Variants in STXBP5L observed in about 807,000 individuals in gnomAD.
The protein encoded by STXBP5L is syntaxin binding protein 5L, also known as syntaxin-binding protein 5-like.
STXBP5L carries 65 observed loss-of-function variants against 144.5 expected under a neutral mutation model. That is an observed-to-expected ratio of 0.45 (90% CI 0.37 to 0.55). The LOEUF (loss-of-function observed/expected upper bound fraction) is 0.55. Among genes scored for constraint, STXBP5L ranks in the 20% least tolerant of loss-of-function variants. STXBP5L has a pLI of 0.00. For synonymous variants in STXBP5L, 505 were observed against 469.6 expected (o/e 1.08, Z -0.97); for missense variants, 1,298 against 1,405.5 (o/e 0.92, Z 1.22).
At chr3:121,139,642 T>A (rs1490405900) in intron 7 of STXBP5L, among the ~76,000 whole-genome samples, 7 of 151,996 alleles carry the variant, frequency 4.6e-5, no homozygotes, top group Admixed American at 4.6e-4. Flanking sequence ...AAATGGTAAT[T>A]CAAAGGCAAT....
intron 20 of STXBP5L, among the ~76,000 whole-genome samples, chr3:121,369,717 G>C (rs1018031764): frequency 6.6e-6 from 1 of 152,064 alleles, no homozygotes; most frequent in African/African-American, 2.4e-5. Flanking sequence ...ACTTTAGTCT[G>C]ATGGGCTTCC....
intron 18 of STXBP5L, among the ~76,000 whole-genome samples, chr3:121,272,404 A>C (rs761366416): frequency 6.6e-6 from 1 of 152,106 alleles, no homozygotes; most frequent in African/African-American, 2.4e-5. Flanking sequence ...GACAGTTTTT[A>C]ACTTAAAGTC....
intron 11 of STXBP5L, among the ~76,000 whole-genome samples, chr3:121,229,515 C>A (rs192397400): frequency 6.6e-6 from 1 of 152,000 alleles, no homozygotes; most frequent in Admixed American, 6.6e-5. Flanking sequence ...TGTTACATAT[C>A]ATTATTTAAC....
At chr3:121,392,483 T>C (rs1022532718) in intron 22 of STXBP5L, among the ~76,000 whole-genome samples, 2 of 152,148 alleles carry the variant, frequency 1.3e-5, no homozygotes, top group Non-Finnish European at 2.9e-5. Flanking sequence ...ATCTTCTGCA[T>C]CGATTACACT....
chr3:121,083,597 A>G (rs866714478), intron 5 of STXBP5L, among the ~76,000 whole-genome samples: 2 of 152,064 alleles, frequency 1.3e-5, no homozygotes, highest in East Asian at 3.9e-4. Flanking sequence ...TGGGAGGCAG[A>G]TGTTGCAGTG....
intron 19 of STXBP5L, among the ~76,000 whole-genome samples, chr3:121,292,588 A>G (rs1444760371): frequency 1.3e-5 from 2 of 152,212 alleles, no homozygotes; most frequent in African/African-American, 2.4e-5. Flanking sequence ...ACACTTGCAC[A>G]TGCATGTTTA....
intron 3 of STXBP5L, among the ~76,000 whole-genome samples, chr3:120,991,581 C>G (rs1293674228): frequency 6.6e-6 from 1 of 152,138 alleles, no homozygotes; most frequent in Non-Finnish European, 1.5e-5. Flanking sequence ...GGAACCAACC[C>G]AAATGTCCAA....
chr3:121,383,620 A>T (rs1394602740), intron 22 of STXBP5L, among the ~76,000 whole-genome samples: 1 of 152,112 alleles, frequency 6.6e-6, no homozygotes, highest in East Asian at 1.9e-4. Context: ...TTTGTTCTGT[A>T]ATTAACCATT....
chr3:121,065,751 A>C (rs531153662), intron 5 of STXBP5L, among the ~76,000 whole-genome samples: 1 of 152,004 alleles, frequency 6.6e-6, no homozygotes, highest in Non-Finnish European at 1.5e-5. Flanking sequence ...TTATTAGCTG[A>C]CTTTTTTGTT....
rs1225221162 is a variant in STXBP5L, at chr3:121,407,227, C to T, written c.2588-16C>T. 6.5e-7 allele frequency: 1 copy of T among 1,532,808 alleles called. No homozygotes were observed. The highest frequency in any genetic ancestry group is 8.7e-7 in the Non-Finnish European group (1 of 1,144,212). 95.0% of individuals were successfully genotyped at this position (1,532,808 alleles called of 1,614,324 possible). A position where few individuals can be genotyped will look rare whatever the true frequency, so the allele number is the denominator to read the frequency against. On this transcript the variant is annotated splice_polypyrimidine_tract_variant and intron_variant, in intron 22 of 26. Coordinates refer to ENST00000471454, the MANE Select transcript of STXBP5L (RefSeq NM_001308330.2). ...AATGAATTTGACATGTCAGTGATGT[C>T]CAATTGTTTTTATAGGTACATTCCT... is the stretch of plus-strand genomic sequence containing the variant.
intron 5 of STXBP5L, among the ~76,000 whole-genome samples, chr3:121,090,373 A>T (rs1276828813): frequency 6.6e-6 from 1 of 152,054 alleles, no homozygotes; most frequent in African/African-American, 2.4e-5. Context: ...CTCCTCTTTT[A>T]CCCCTCTTAC....
Position 120,983,462 on chromosome 3 carries a change from G to A in STXBP5L, c.287+28425G>A, listed in dbSNP as rs140057757. Among the ~76,000 whole-genome samples the A allele has an allele frequency of 3.0e-3, 464 of 152,174 alleles. 5 individuals carry two copies. The highest frequency in any genetic ancestry group is 0.011 in the African/African-American group (447 of 41,506). On this transcript the variant is annotated intron_variant, in intron 3 of 26. Coordinates refer to ENST00000471454, the MANE Select transcript of STXBP5L (RefSeq NM_001308330.2). ...TGCTTTCTCTCTGGCCTTGTGGCTG[G>A]GGCAGTGATACTGATGGCAGACCCA...
intron 3 of STXBP5L, among the ~76,000 whole-genome samples, chr3:120,990,557 A>G (rs1175029698): frequency 1.3e-5 from 2 of 152,202 alleles, no homozygotes; most frequent in Non-Finnish European, 2.9e-5. Flanking sequence ...ACTTCAAACT[A>G]TACTACAAGG....
At chr3:121,266,760 A>G (rs113991732) in intron 18 of STXBP5L, among the ~76,000 whole-genome samples, 2,937 of 152,352 alleles carry the variant, frequency 0.019, 86 homozygotes, top group African/African-American at 0.066. Context: ...CCTTAAGCTG[A>G]TAAGCAACTT....
intron 3 of STXBP5L, among the ~76,000 whole-genome samples, chr3:121,026,416 C>A (rs1397473350): frequency 1.3e-5 from 2 of 152,044 alleles, no homozygotes; most frequent in Non-Finnish European, 2.9e-5. Flanking sequence ...TTCATTATAA[C>A]ACATCACTAG....
At chr3:121,371,918 G>A (rs1220004316) in intron 20 of STXBP5L, among the ~76,000 whole-genome samples, 1 of 152,194 alleles carries the variant, frequency 6.6e-6, no homozygotes, top group East Asian at 1.9e-4. Context: ...GGGACAAGGT[G>A]CACTCCACTG....
rs756620677 is a variant in STXBP5L, at chr3:121,152,468, G to A, written c.670-9G>A. The A allele has an allele frequency of 1.9e-6, 3 of 1,582,568 alleles. No individual in the cohort carries two copies. The South Asian group carries it at 3.4e-5, about 18-fold the overall frequency. ...GAATTAAGAAAATGATTGTTCTAAT[G>A]TTTTCCAGCTGCTAATAGGTTATGA... is the stretch of plus-strand genomic sequence containing the variant. On this transcript the variant is annotated splice_polypyrimidine_tract_variant and intron_variant, in intron 7 of 26. Transcript: ENST00000471454.
Position 120,974,643 on chromosome 3 carries a change from G to A in STXBP5L, c.287+19606G>A, listed in dbSNP as rs182371059. Reference sequence around the variant, plus strand: ...ATGCCTATGTCCTGAATGTTAATGCGTAGGTTTTCTTCTAGGGTTTTTATG... The same window carrying A: ...ATGCCTATGTCCTGAATGTTAATGCATAGGTTTTCTTCTAGGGTTTTTATG... On this transcript the variant is annotated intron_variant, in intron 3 of 26. Transcript: ENST00000471454. Among the ~76,000 whole-genome samples the A allele has an allele frequency of 3.0e-4, 46 of 152,146 alleles. No individual in the cohort carries two copies. In the East Asian group the frequency reaches 6.4e-3, roughly 21 times the overall value.
At chr3:120,957,640 G>A (rs1938194432) in intron 3 of STXBP5L, among the ~76,000 whole-genome samples, 1 of 150,492 alleles carries the variant, frequency 6.6e-6, no homozygotes, top group South Asian at 2.1e-4. Flanking sequence ...TAAATGTTTG[G>A]TAGACTTCTG....
Sources: gnomAD v4.1 joint callset for allele counts (sites outside exome capture counted in the v4.1 genomes callset) on GRCh38, gnomAD v4.1.1 for gene constraint, MANE v1.5 for transcripts, NCBI Gene and HGNC (gene_info 2026-07-23, HGNC 2026-07-21) for gene names.